Variants in DPP10 observed in about 807,000 individuals in gnomAD.
The protein encoded by DPP10 is dipeptidyl peptidase like 10.
A neutral mutation model predicts 120.9 loss-of-function variants in DPP10; 33 were observed. The observed-to-expected ratio is 0.27, with a 90% CI of 0.21 to 0.37. The LOEUF is 0.37. Among genes scored for constraint, DPP10 ranks in the 10% least tolerant of loss-of-function variants. DPP10 has a pLI of 1.00. For synonymous variants in DPP10, 337 were observed against 326.1 expected (o/e 1.03, Z -0.36); for missense variants, 816 against 942.8 (o/e 0.87, Z 1.76).
intron 1 of DPP10, among the ~76,000 whole-genome samples, chr2:114,805,845 A>G (rs528043803): frequency 6.6e-6 from 1 of 151,840 alleles, no homozygotes; most frequent in African/African-American, 2.4e-5. Flanking sequence ...CTTACAACTT[A>G]TTGGCCATAA....
rs1415143353 is a variant in DPP10, at chr2:114,748,359, TTA to T, written c.60+305523_60+305524del. On this transcript the variant is annotated intron_variant, in intron 1 of 25. Coordinates refer to ENST00000410059, the MANE Select transcript of DPP10 (RefSeq NM_020868.6). The stretch of plus-strand genomic sequence containing the variant: ...TTTTCTTTTTTTTTTTTATTTTTTT[TTA>T]TTTTATTTATTTATTTATTTATTTA... Among the ~76,000 whole-genome samples the T allele has an allele frequency of 2.0e-3, 251 of 126,468 alleles. 3 individuals are homozygous for T. Among genetic ancestry groups the T allele is most frequent in the South Asian group, 4.6e-3 (18 of 3,896 alleles). 83.0% of individuals were successfully genotyped at this position (126,468 alleles called of 152,430 possible). A position where few individuals can be genotyped will look rare whatever the true frequency, so the allele number is the denominator to read the frequency against.
rs189659723 is a variant in DPP10, at chr2:115,604,804, C to G, written c.441+78832C>G. On this transcript the variant is annotated intron_variant, in intron 5 of 25. Coordinates refer to ENST00000410059, the MANE Select transcript of DPP10 (RefSeq NM_020868.6). The stretch of plus-strand genomic sequence containing the variant: ...AACATAAGTAGCCACCTCCTTCTTA[C>G]CATACTGCAAAAACTCCTGTGTAAG... Among the ~76,000 whole-genome samples, 808 of 152,270 alleles carry G rather than the reference C, an allele frequency of 5.3e-3. 5 individuals are homozygous for G. Among genetic ancestry groups the G allele is most frequent in the African/African-American group, 0.019 (772 of 41,550 alleles).
At chr2:115,000,950 T>G (rs1574667202) in intron 1 of DPP10, among the ~76,000 whole-genome samples, 1 of 152,158 alleles carries the variant, frequency 6.6e-6, no homozygotes, top group Non-Finnish European at 1.5e-5. Flanking sequence ...TATCCACTAT[T>G]TCAGAGCTGA....
chr2:114,661,367 T>A (rs1482188824), intron 1 of DPP10, among the ~76,000 whole-genome samples: 1 of 152,226 alleles, frequency 6.6e-6, no homozygotes, highest in Non-Finnish European at 1.5e-5. Context: ...TCATACTACA[T>A]GCATGTAATA....
At chr2:114,581,680 A>G (rs1012381653) in intron 1 of DPP10, among the ~76,000 whole-genome samples, 4 of 152,124 alleles carry the variant, frequency 2.6e-5, no homozygotes, top group African/African-American at 9.7e-5. Flanking sequence ...CCATCTTCCT[A>G]ACTAATGAGC....
intron 1 of DPP10, among the ~76,000 whole-genome samples, chr2:114,922,796 G>A (rs187660507): frequency 1.1e-4 from 16 of 152,202 alleles, no homozygotes; most frequent in African/African-American, 3.9e-4. Context: ...TTAATCAGTT[G>A]ATGGACATTT....
intron 1 of DPP10, among the ~76,000 whole-genome samples, chr2:115,239,423 G>A (rs1312037140): frequency 6.6e-6 from 1 of 152,082 alleles, no homozygotes; most frequent in Non-Finnish European, 1.5e-5. Flanking sequence ...CCAACACCCT[G>A]ATCAGTCAGC....
At chr2:115,480,794 A>G (rs187098248) in intron 3 of DPP10, among the ~76,000 whole-genome samples, 1 of 152,170 alleles carries the variant, frequency 6.6e-6, no homozygotes, top group African/African-American at 2.4e-5. Context: ...TTTCTAAAAA[A>G]TTGTATGCGA....
chr2:115,416,684 A>T (rs2069464077), intron 3 of DPP10, among the ~76,000 whole-genome samples: 1 of 152,208 alleles, frequency 6.6e-6, no homozygotes, highest in African/African-American at 2.4e-5. Flanking sequence ...CAAGAAATCA[A>T]TTAAATCACA....
intron 3 of DPP10, among the ~76,000 whole-genome samples, chr2:115,381,296 A>G (rs866976651): frequency 2.0e-5 from 3 of 151,760 alleles, no homozygotes; most frequent in Admixed American, 6.6e-5. Flanking sequence ...ACTTCATTTC[A>G]TTCATTTCAT....
At chr2:114,621,178 G>A (rs539710670) in intron 1 of DPP10, among the ~76,000 whole-genome samples, 1 of 152,158 alleles carries the variant, frequency 6.6e-6, no homozygotes, top group Non-Finnish European at 1.5e-5. Context: ...AACACAGCTG[G>A]ATGTTAGGCA....
At chr2:114,578,007 G>A (rs772654055) in intron 1 of DPP10, among the ~76,000 whole-genome samples, 3 of 152,092 alleles carry the variant, frequency 2.0e-5, no homozygotes, top group Non-Finnish European at 4.4e-5. Flanking sequence ...GATACTGCAG[G>A]TTGAACTTCA....
At chr2:114,792,244 T>C (rs562496093) in intron 1 of DPP10, among the ~76,000 whole-genome samples, 114 of 152,278 alleles carry the variant, frequency 7.5e-4, no homozygotes, top group African/African-American at 2.7e-3. Flanking sequence ...CATTTGAACT[T>C]GATGAATATT....
intron 1 of DPP10, among the ~76,000 whole-genome samples, chr2:114,899,403 A>G (rs1693346544): frequency 6.6e-6 from 1 of 152,136 alleles, no homozygotes; most frequent in African/African-American, 2.4e-5. Context: ...ACATATAACT[A>G]GAAATTTAAC....
At chr2:115,018,519 T>C (rs1702834032) in intron 1 of DPP10, among the ~76,000 whole-genome samples, 1 of 152,136 alleles carries the variant, frequency 6.6e-6, no homozygotes, top group African/African-American at 2.4e-5. Context: ...TGGAATACTA[T>C]GCAGCTATAA....
intron 5 of DPP10, among the ~76,000 whole-genome samples, chr2:115,676,680 A>T (rs550565437): frequency 6.6e-6 from 1 of 152,322 alleles, no homozygotes; most frequent in South Asian, 2.1e-4. Flanking sequence ...ATGAAGCAGG[A>T]CTACGGGACG....
chr2:114,546,408 C>A (rs1021261330), intron 1 of DPP10, among the ~76,000 whole-genome samples: 2 of 152,122 alleles, frequency 1.3e-5, no homozygotes, highest in Non-Finnish European at 2.9e-5. Context: ...TGGTGCCAAA[C>A]CATTCACGAA....
chr2:114,667,514 G>A (rs1332906478), intron 1 of DPP10, among the ~76,000 whole-genome samples: 1 of 152,096 alleles, frequency 6.6e-6, no homozygotes, highest in Non-Finnish European at 1.5e-5. Context: ...TAATATTATT[G>A]CTTAGCTCTA....
At chr2:115,464,360 C>T (rs1208692204) in intron 3 of DPP10, among the ~76,000 whole-genome samples, 1 of 151,828 alleles carries the variant, frequency 6.6e-6, no homozygotes, top group South Asian at 2.1e-4. Context: ...GTCTGGAGAG[C>T]CAGATTTGAA....
Sources: allele counts gnomAD v4.1 joint callset (sites outside exome capture counted in the v4.1 genomes callset), GRCh38; gene constraint gnomAD v4.1.1; transcripts MANE v1.5; gene names NCBI Gene and HGNC (gene_info 2026-07-23, HGNC 2026-07-21).